The following PCDHGB1 variants were observed in gnomAD, a reference collection of about 807,000 sequenced individuals.
PCDHGB1 encodes the protein protocadherin gamma-B1.
A neutral mutation model predicts 56.6 loss-of-function variants in PCDHGB1; 34 were observed. The observed-to-expected ratio is 0.60, with a 90% CI of 0.46 to 0.80. The LOEUF (loss-of-function observed/expected upper bound fraction) is 0.80. Ranked by LOEUF, PCDHGB1 falls within the 30% of genes least tolerant of loss-of-function variation. PCDHGB1 has a pLI of 0.00. For synonymous variants in PCDHGB1, 561 were observed against 505.9 expected (o/e 1.11, Z -1.46); for missense variants, 1,278 against 1,204.6 (o/e 1.06, Z -0.90).
chr5:141,357,223 T>A (rs1760512716), intron 1 of PCDHGB1: 1 of 1,613,834 alleles, frequency 6.2e-7, no homozygotes, highest in Non-Finnish European at 8.5e-7. Flanking sequence ...CCTGGCTGAC[T>A]TGGGCAGCCT....
At chr5:141,439,202 A>AG (rs1348445707) in intron 1 of PCDHGB1, among the ~76,000 whole-genome samples, 2 of 151,954 alleles carry the variant, frequency 1.3e-5, no homozygotes, top group African/African-American at 4.8e-5. Context: ...AAAAAAAAAA[A>AG]AAATCCATAT....
chr5:141,355,804 C>A, intron 1 of PCDHGB1: 2 of 1,613,356 alleles, frequency 1.2e-6, no homozygotes, highest in Non-Finnish European at 1.7e-6. Context: ...CGCTCTAGAT[C>A]GCGAGGAAGA....
At position 141,431,140 on chromosome 5, in the gene PCDHGB1, C is replaced by T. The variant is rs145692116; in HGVS notation, c.2410-63667C>T. 2.4e-5 allele frequency: 38 copies of T among 1,614,208 alleles called. No individual in the cohort carries two copies. Among genetic ancestry groups the T allele is most frequent in the Admixed American group, 3.3e-5 (2 of 60,038 alleles). On this transcript the variant is annotated intron_variant, in intron 1 of 3. Coordinates refer to ENST00000523390, the MANE Select transcript of PCDHGB1 (RefSeq NM_018922.3). This position sits in a 1 kb window ranked among gnomAD's most constrained non-coding sequence, Gnocchi z 4.8. ...TAGAAGTAGAAGTAAGGGACATTAA[C>T]GACAATGCGCCTTACTTTCGTGAAA...
chr5:141,374,395 G>A, intron 1 of PCDHGB1: 1 of 1,614,050 alleles, frequency 6.2e-7, no homozygotes, highest in South Asian at 1.1e-5. Context: ...GGTGTCTGGT[G>A]AGTTTTAACA....
intron 1 of PCDHGB1, chr5:141,400,205 C>CCACCACCA: frequency 6.2e-7 from 1 of 1,614,016 alleles, no homozygotes; most frequent in South Asian, 1.1e-5. Flanking sequence ...GTGGCCTTGG[C>CCACCACCA]CTTGATCTCA....
Position 141,404,830 on chromosome 5 carries a change from G to A in PCDHGB1, c.2409+52161G>A, listed in dbSNP as rs775106144. The A allele has an allele frequency of 3.7e-6, 6 of 1,613,932 alleles. No individual in the cohort carries two copies. In the East Asian group the frequency reaches 1.3e-4, roughly 36 times the overall value. ...CGGTGGGGCTGCACACAGGTGAAGT[G>A]CGCACAGCTCGGGCCCTGCTAGATA... On this transcript the variant is annotated intron_variant, in intron 1 of 3. Coordinates refer to ENST00000523390, the MANE Select transcript of PCDHGB1 (RefSeq NM_018922.3).
intron 1 of PCDHGB1, chr5:141,383,656 G>C: frequency 1.2e-6 from 2 of 1,614,008 alleles, no homozygotes; most frequent in South Asian, 1.1e-5. Flanking sequence ...AACTGTCCCC[G>C]AGAATGTGCC....
chr5:141,399,559 G>C, intron 1 of PCDHGB1: 1 of 1,614,038 alleles, frequency 6.2e-7, no homozygotes, highest in Non-Finnish European at 8.5e-7. Context: ...CCTGGACTTG[G>C]GGTTGAACGG....
chr5:141,405,994 C>T (rs2094743060), intron 1 of PCDHGB1, among the ~76,000 whole-genome samples: 1 of 151,930 alleles, frequency 6.6e-6, no homozygotes, highest in African/African-American at 2.4e-5. Context: ...GGGTAGCTCT[C>T]AGCCTGCATT....
At chr5:141,421,303 G>C in intron 1 of PCDHGB1, 1 of 1,613,660 alleles carries the variant, frequency 6.2e-7, no homozygotes, top group Non-Finnish European at 8.5e-7. Context: ...GACGCTGCGG[G>C]GGTTCCGGGC....
chr5:141,473,476 A>G (rs1300050332), intron 1 of PCDHGB1, among the ~76,000 whole-genome samples: 15 of 151,558 alleles, frequency 9.9e-5, no homozygotes, highest in Admixed American at 9.2e-4. Context: ...GCCAAGTTCA[A>G]TGGAAAAAAT....
At position 141,476,943 on chromosome 5, in the gene PCDHGB1, A is replaced by G. The variant is rs538990482; in HGVS notation, c.2410-17864A>G. On this transcript the variant is annotated intron_variant, in intron 1 of 3. Coordinates refer to ENST00000523390, the MANE Select transcript of PCDHGB1 (RefSeq NM_018922.3). This position sits in a 1 kb window ranked among gnomAD's most constrained non-coding sequence, Gnocchi z 7.6. ...GCAACGGATCTGGATGAAGGCCCCA[A>G]CGGTGAAATTATTTACTCCTTCGGC... 14 of 1,614,170 alleles carry G rather than the reference A, an allele frequency of 8.7e-6. No individual in the cohort carries two copies. Among genetic ancestry groups the G allele is most frequent in the South Asian group, 1.1e-5 (1 of 91,086 alleles).
intron 1 of PCDHGB1, chr5:141,379,313 A>C (rs1053297201): frequency 4.6e-5 from 7 of 152,264 alleles, no homozygotes; most frequent in African/African-American, 1.7e-4. Flanking sequence ...CCTAAACAAG[A>C]GATCTAATCA....
intron 1 of PCDHGB1, chr5:141,395,406 G>C (rs923158895): frequency 1.2e-6 from 1 of 833,442 alleles, no homozygotes; most frequent in Non-Finnish European, 1.8e-6. Flanking sequence ...AATAGTCATA[G>C]GTTATTGTTT....
At chr5:141,506,910 G>C (rs1165112258) in intron 3 of PCDHGB1, among the ~76,000 whole-genome samples, 1 of 152,082 alleles carries the variant, frequency 6.6e-6, no homozygotes, top group Admixed American at 6.5e-5. Context: ...ATCACACCTG[G>C]GCACATACTA....
chr5:141,456,098 C>T (rs1222639126), intron 1 of PCDHGB1, among the ~76,000 whole-genome samples: 2 of 151,980 alleles, frequency 1.3e-5, no homozygotes, highest in Non-Finnish European at 2.9e-5. Flanking sequence ...GGGATTTCAC[C>T]GTGTTAGCCA....
At chr5:141,375,688 C>T in intron 1 of PCDHGB1, 1 of 1,614,256 alleles carries the variant, frequency 6.2e-7, no homozygotes, top group Non-Finnish European at 8.5e-7. Context: ...TGACAGCCAG[C>T]GACAGCGGGG....
intron 1 of PCDHGB1, chr5:141,388,760 G>T: frequency 6.2e-7 from 1 of 1,613,930 alleles, no homozygotes; most frequent in Non-Finnish European, 8.5e-7. Flanking sequence ...AATTTGACCT[G>T]AACTCTAACA....
rs57426385 is a variant in PCDHGB1, at chr5:141,415,740, G to GTTTTTTTTTTTTT, written c.2409+63091_2409+63103dup. ...TGAGTAGAATTTGATGTTTATTAAGGTTTTTTTTTTTTTTTTTTTTTTTTT... is the reference window on the plus strand; with the variant it reads ...TGAGTAGAATTTGATGTTTATTAAGGTTTTTTTTTTTTTTTTTTTTTTTTTTTTTTTTTTTTTT... On this transcript the variant is annotated intron_variant, in intron 1 of 3. Coordinates refer to ENST00000523390, the MANE Select transcript of PCDHGB1 (RefSeq NM_018922.3). The GTTTTTTTTTTTTT allele has an allele frequency of 2.5e-4, 159 of 625,022 alleles. 3 individuals carry two copies. Among genetic ancestry groups the GTTTTTTTTTTTTT allele is most frequent in the Admixed American group, 5.7e-4 (8 of 14,124 alleles). 38.7% of individuals were successfully genotyped at this position (625,022 alleles called of 1,614,324 possible).
Sources: allele counts gnomAD v4.1 joint callset (sites outside exome capture counted in the v4.1 genomes callset), GRCh38; gene constraint gnomAD v4.1.1; non-coding constraint Gnocchi (gnomAD v3.1); transcripts MANE v1.5; gene names NCBI Gene and HGNC (gene_info 2026-07-23, HGNC 2026-07-21).